RALGAPA1: variants seen among roughly 807,000 people sequenced by gnomAD.
RALGAPA1 encodes ral GTPase-activating protein subunit alpha-1.
Under a neutral mutation model 269.6 loss-of-function variants are expected in RALGAPA1, and 52 were observed. That is an observed-to-expected ratio of 0.19 (90% CI 0.15 to 0.24). The LOEUF (loss-of-function observed/expected upper bound fraction) is 0.24. Ranked by LOEUF, RALGAPA1 falls within the 10% of genes least tolerant of loss-of-function variation. The pLI is 1.00. For missense variants in RALGAPA1, 1,917 were observed against 3,013.9 expected (o/e 0.64, Z 8.52); for synonymous variants, 817 against 1,008.3 (o/e 0.81, Z 3.60).
At chr14:35,586,416 CT>C (rs2058292592) in intron 37 of RALGAPA1, among the ~76,000 whole-genome samples, 1 of 152,190 alleles carries the variant, frequency 6.6e-6, no homozygotes, top group Admixed American at 6.5e-5. Context: ...TTGACTTCCT[CT>C]TTTCCTAATT....
At position 35,775,013 on chromosome 14, in the gene RALGAPA1, A is replaced by G. The variant is rs2074915843; in HGVS notation, c.260T>C (p.Ile87Thr). ...QREELDAILF[I>T]FEKILQLLPE... ...AGGTTCAGAAGCACTTACCTCAAAA[A>G]TAAAAAGTATAGCATCCAATTCCTC... The change falls in exon 3 of 42, where the codon ATT becomes ACT. Residue 87 changes from isoleucine (I) to threonine (T), a missense_variant. Around this residue, in one of 11 missense-constraint regions of RALGAPA1, gnomAD observed 462 missense variants for 725.6 expected, o/e 0.64. Coordinates refer to ENST00000680220, the MANE Select transcript of RALGAPA1 (RefSeq NM_001346249.2). The G allele has an allele frequency of 6.4e-7, 1 of 1,573,330 alleles. No homozygotes were observed. Among genetic ancestry groups the G allele is most frequent in the Non-Finnish European group, 8.7e-7 (1 of 1,152,738 alleles).
intron 31 of RALGAPA1, among the ~76,000 whole-genome samples, chr14:35,645,129 G>A (rs1332240329): frequency 3.9e-5 from 6 of 152,080 alleles, no homozygotes; most frequent in Non-Finnish European, 5.9e-5. Context: ...TTTCTGGCTT[G>A]TTAGATGACC....
Position 35,688,756 on chromosome 14 carries a change from C to A in RALGAPA1, c.3655G>T (p.Gly1219Cys). The A allele has an allele frequency of 6.9e-7, 1 of 1,457,406 alleles. No individual in the cohort carries two copies. Among genetic ancestry groups the A allele is most frequent in the Non-Finnish European group, 9.0e-7 (1 of 1,112,176 alleles). The allele number at this position is 1,457,406 out of a possible 1,614,324, so 90.3% of individuals were successfully genotyped here. A position where few individuals can be genotyped will look rare whatever the true frequency, so the allele number is the denominator to read the frequency against. Reference protein sequence around the residue: ...PGVYRPLDTLGTASVSSKTVK... With the variant: ...PGVYRPLDTLCTASVSSKTVK... Reference sequence around the variant, plus strand: ...GTTTTGCTGCTTACTGATGCAGTACCAAGTGTATCTAGAGGTCTGTACACA... The same window carrying A: ...GTTTTGCTGCTTACTGATGCAGTACAAAGTGTATCTAGAGGTCTGTACACA... The change falls in exon 18 of 42, where the codon GGT (glycine) becomes TGT (cysteine). Residue 1219 changes from glycine (G) to cysteine (C), a missense_variant. Physicochemically the swap from Gly to Cys is radical, Grantham distance 159. This residue lies in a region of RALGAPA1 where 615 missense variants were observed against 790.0 expected (regional missense o/e 0.78). Transcript: ENST00000680220.
chr14:35,783,925 A>G (rs1003518590), intron 1 of RALGAPA1, among the ~76,000 whole-genome samples: 2 of 152,158 alleles, frequency 1.3e-5, no homozygotes, highest in Admixed American at 6.6e-5. Context: ...AGTGTTGGCA[A>G]TATGGGAAAA....
intron 10 of RALGAPA1, among the ~76,000 whole-genome samples, chr14:35,745,071 T>C (rs958136396): frequency 1.3e-5 from 2 of 152,212 alleles, no homozygotes; most frequent in East Asian, 1.9e-4. Context: ...TTCCAAAATA[T>C]GATTTTGCCA....
chr14:35,665,317 T>C (rs2063841534), intron 26 of RALGAPA1, among the ~76,000 whole-genome samples: 1 of 152,220 alleles, frequency 6.6e-6, no homozygotes. Context: ...TTTCATCTTT[T>C]TTCCTTAGCT....
chr14:35,601,248 G>A (rs954068336), intron 36 of RALGAPA1, among the ~76,000 whole-genome samples: 15 of 152,310 alleles, frequency 9.8e-5, no homozygotes, highest in African/African-American at 3.6e-4. Flanking sequence ...TATTGGTGGC[G>A]ATGGAATTCT....
At chr14:35,588,782 T>A (rs2058464450) in intron 37 of RALGAPA1, among the ~76,000 whole-genome samples, 1 of 152,204 alleles carries the variant, frequency 6.6e-6, no homozygotes, top group Non-Finnish European at 1.5e-5. Flanking sequence ...GAAATCAGTA[T>A]GTCAAAGAGA....
At chr14:35,780,720 T>C (rs1420502177) in intron 1 of RALGAPA1, among the ~76,000 whole-genome samples, 1 of 152,208 alleles carries the variant, frequency 6.6e-6, no homozygotes, top group South Asian at 2.1e-4. Context: ...AATCCAGTGC[T>C]GACAGAAAAA....
At chr14:35,556,890 C>A (rs1293611242) in intron 39 of RALGAPA1, among the ~76,000 whole-genome samples, 1 of 152,080 alleles carries the variant, frequency 6.6e-6, no homozygotes, top group African/African-American at 2.4e-5. Flanking sequence ...GCTCATAAAT[C>A]AGTCAATTAC....
chr14:35,572,924 G>GT, intron 37 of RALGAPA1: 1 of 329,808 alleles, frequency 3.0e-6, no homozygotes, highest in Non-Finnish European at 5.5e-6. Flanking sequence ...TAATCAATGG[G>GT]TAACAGAGAA....
intron 10 of RALGAPA1, among the ~76,000 whole-genome samples, chr14:35,745,296 C>T (rs1439337386): frequency 6.6e-6 from 1 of 152,004 alleles, no homozygotes; most frequent in Non-Finnish European, 1.5e-5. Flanking sequence ...AGGAGGTACC[C>T]ACATGTCTTG....
chr14:35,761,340 T>C (rs886416178), intron 5 of RALGAPA1, among the ~76,000 whole-genome samples: 38 of 152,130 alleles, frequency 2.5e-4, no homozygotes, highest in Non-Finnish European at 4.4e-4. Flanking sequence ...ACCACTAGTC[T>C]AAACCAAGAA....
At chr14:35,687,980 T>C (rs1335592393) in intron 18 of RALGAPA1, among the ~76,000 whole-genome samples, 1 of 152,154 alleles carries the variant, frequency 6.6e-6, no homozygotes, top group African/African-American at 2.4e-5. Flanking sequence ...ATTTCTATTA[T>C]GTTAGTTGTC....
At chr14:35,754,682 C>T (rs572569043) in intron 7 of RALGAPA1, among the ~76,000 whole-genome samples, 1 of 152,158 alleles carries the variant, frequency 6.6e-6, no homozygotes, top group South Asian at 2.1e-4. Flanking sequence ...TCAATATATA[C>T]CCCTACTATT....
At chr14:35,766,239 A>G in intron 4 of RALGAPA1, 2 of 802,594 alleles carry the variant, frequency 2.5e-6, no homozygotes, top group Non-Finnish European at 2.2e-6. Flanking sequence ...AATCTTAACC[A>G]GATGTGTGGA....
intron 1 of RALGAPA1, among the ~76,000 whole-genome samples, chr14:35,784,908 C>T (rs966934803): frequency 3.3e-5 from 5 of 152,162 alleles, no homozygotes; most frequent in African/African-American, 1.2e-4. Flanking sequence ...ACTGGTCATG[C>T]ATGGTGGTTC....
rs543278140 is a variant in RALGAPA1, at chr14:35,591,662, A to G, written c.7209+3972T>C. Among the ~76,000 whole-genome samples, 3 of 152,234 alleles carry G rather than the reference A, an allele frequency of 2.0e-5. No individual in the cohort carries two copies. The South Asian group carries it at 6.2e-4, about 32-fold the overall frequency. Reference sequence around the variant, plus strand: ...TTTTCCTCTCCCTCAATCAATATAAACATTGTATCAGAGTCCATGTACTAA... The same window carrying G: ...TTTTCCTCTCCCTCAATCAATATAAGCATTGTATCAGAGTCCATGTACTAA... On this transcript the variant is annotated intron_variant, in intron 37 of 41. Coordinates refer to ENST00000680220, the MANE Select transcript of RALGAPA1 (RefSeq NM_001346249.2).
chr14:35,627,079 C>T lies in RALGAPA1; in HGVS notation c.6857+11G>A. 1 of 1,501,884 alleles carries T rather than the reference C, an allele frequency of 6.7e-7. No homozygotes were observed. Among genetic ancestry groups the T allele is most frequent in the Non-Finnish European group, 8.8e-7 (1 of 1,133,190 alleles). The allele number at this position is 1,501,884 out of a possible 1,614,324, so 93.0% of individuals were successfully genotyped here. A position where few individuals can be genotyped will look rare whatever the true frequency, so the allele number is the denominator to read the frequency against. On this transcript the variant is annotated intron_variant, in intron 34 of 41. Transcript: ENST00000680220. ...AAAAAAAAAAAGAAAAAATTTCTCC[C>T]TTATGCTTACCGTTTGTCCCAGGAA...
Sources: allele counts gnomAD v4.1 joint callset (sites outside exome capture counted in the v4.1 genomes callset), GRCh38; gene constraint gnomAD v4.1.1; regional missense constraint gnomAD v4.1.1; transcripts MANE v1.5; gene names NCBI Gene and HGNC (gene_info 2026-07-23, HGNC 2026-07-21).